The following APPL2 variants were observed in gnomAD, a reference collection of about 807,000 sequenced individuals.
The protein encoded by APPL2 is adaptor protein, phosphotyrosine interacting with PH domain and leucine zipper 2.
In APPL2, 84 loss-of-function variants were observed where a neutral mutation model predicts 92.7. That is an observed-to-expected ratio of 0.91 (90% CI 0.76 to 1.09). The LOEUF (loss-of-function observed/expected upper bound fraction) is 1.09, where lower values mean the gene tolerates loss of function less well. Among genes scored for constraint, APPL2 ranks in the 50% least tolerant of loss-of-function variants. APPL2 has a pLI of 0.00. For missense variants in APPL2, 736 were observed against 824.5 expected (o/e 0.89, Z 1.31); for synonymous variants, 291 against 291.0 (o/e 1.00, Z 0.00).
In APPL2 at chr12:105,197,894, T is replaced by C; in HGVS notation, c.923A>G (p.Asn308Ser). The change falls in exon 11 of 21, where the codon AAT (asparagine) becomes AGT (serine). Residue 308 changes from asparagine (N) to serine (S), a missense_variant. Physicochemically the swap from Asn to Ser is conservative, Grantham distance 46. Transcript: ENST00000258530. ...ERLYFFTQGG[N>S]LMCQPRGAVA... Reference sequence around the variant, plus strand: ...GGCTCCCCTGGGCTGACACATGAGATTCCCGCCTTGGGTGAAGAAATAAAG... The same window carrying C: ...GGCTCCCCTGGGCTGACACATGAGACTCCCGCCTTGGGTGAAGAAATAAAG... The C allele has an allele frequency of 6.2e-7, 1 of 1,614,120 alleles. No homozygotes were observed. The highest frequency in any genetic ancestry group is 1.1e-5 in the South Asian group (1 of 91,080).
chr12:105,207,823 T>C (rs1249017036), intron 7 of APPL2, 148 bp downstream of exon 7: 4 of 673,502 alleles, frequency 5.9e-6, no homozygotes, highest in Non-Finnish European at 1.0e-5. Flanking sequence ...GGTCTACTTA[T>C]GAGATTTGGA....
intron 17 of APPL2, among the ~76,000 whole-genome samples, chr12:105,179,138 A>G (rs186862831): frequency 1.3e-3 from 194 of 152,144 alleles, no homozygotes; most frequent in Non-Finnish European, 2.4e-3. Context: ...CCTCCCCTTG[A>G]CACCCACCCA....
At chr12:105,200,856 GTATGTATGTATCTATC>G (rs1485909335) in intron 9 of APPL2, among the ~76,000 whole-genome samples, 91 of 111,778 alleles carry the variant, frequency 8.1e-4, no homozygotes, top group East Asian at 1.8e-3. Context: ...ATGTATGTAT[GTATGTATGTATCTATC>G]TATCTATCTA....
intron 19 of APPL2, 153 bp from the exon 20 acceptor site, chr12:105,176,235 C>T (rs550761423): frequency 2.2e-5 from 14 of 638,668 alleles, no homozygotes; most frequent in East Asian, 1.9e-4. Context: ...ACATAGGGCC[C>T]GGGGCATTTG....
At position 105,188,336 on chromosome 12, in the gene APPL2, C is replaced by T. The variant is rs762712188; in HGVS notation, c.1571G>A (p.Arg524Gln). 1.1e-5 allele frequency: 18 copies of T among 1,614,024 alleles called. No individual in the cohort carries two copies. Among genetic ancestry groups the T allele is most frequent in the Non-Finnish European group, 1.5e-5 (18 of 1,180,032 alleles). Residue 524 changes from arginine (R) to glutamine (Q), a missense_variant, in exon 17 of 21, where the codon CGG becomes CAG. Physicochemically the swap from Arg to Gln is conservative, Grantham distance 43 (BLOSUM62 1). Transcript: ENST00000258530. ...CATGCGGAAGATGTTATGAATAGCC[C>T]GAGCAGCCAATACTTGTCTCATCGC... The part of the protein sequence containing the change: ...YEAMRQVLAA[R>Q]AIHNIFRMTE...
chr12:105,219,699 C>T (rs979738654), intron 2 of APPL2, among the ~76,000 whole-genome samples: 16 of 152,312 alleles, frequency 1.1e-4, no homozygotes, highest in East Asian at 3.9e-4. Flanking sequence ...AAGCAATTGG[C>T]CAGAGACTAC....
intron 1 of APPL2, 45 bp from the exon 2 acceptor site, chr12:105,229,268 A>C: frequency 6.5e-7 from 1 of 1,540,692 alleles, no homozygotes; most frequent in Middle Eastern, 1.7e-4. Context: ...TCTAAGTGGA[A>C]AAGTTACAGA....
chr12:105,214,537 C>T (rs1299833313), intron 4 of APPL2, among the ~76,000 whole-genome samples: 1 of 152,258 alleles, frequency 6.6e-6, no homozygotes, highest in East Asian at 1.9e-4. Context: ...CCACGCAGTG[C>T]ATGTGATATC....
chr12:105,220,729 C>T (rs1429676283), intron 2 of APPL2, among the ~76,000 whole-genome samples: 1 of 152,190 alleles, frequency 6.6e-6, no homozygotes, highest in South Asian at 2.1e-4. Context: ...GAAAGACCTG[C>T]CAGGGAACTG....
chr12:105,192,401 C>G (rs942844639), intron 14 of APPL2, among the ~76,000 whole-genome samples: 8 of 152,154 alleles, frequency 5.3e-5, no homozygotes, highest in African/African-American at 1.9e-4. Flanking sequence ...CACAAACACG[C>G]ACCTCTCAGA....
At chr12:105,186,674 G>T (rs970364696) in intron 17 of APPL2, among the ~76,000 whole-genome samples, 45 of 47,488 alleles carry the variant, frequency 9.5e-4, no homozygotes, top group East Asian at 4.4e-3. Context: ...TCATATATAT[G>T]ATATATCATA....
Position 105,189,991 on chromosome 12 carries a change from C to G in APPL2, c.1406G>C (p.Arg469Thr). 1 of 1,614,030 alleles carries G rather than the reference C, an allele frequency of 6.2e-7. No homozygotes were observed. Among genetic ancestry groups the G allele is most frequent in the Non-Finnish European group, 8.5e-7 (1 of 1,179,966 alleles). The change falls in exon 15 of 21, where the codon AGG becomes ACG. Residue 469 changes from arginine to threonine, a missense_variant and splice_region_variant. Arg to Thr is a moderately conservative substitution (Grantham distance 71). Coordinates refer to ENST00000258530, the MANE Select transcript of APPL2 (RefSeq NM_018171.5). Reference protein sequence around the residue: ...TEFLDQNRGSRRTNPFGETED... With the variant: ...TEFLDQNRGSTRTNPFGETED... ...AGAGATAACCTCTCTCAGCCCATAC[C>G]TGCTCCCTCTGTTCTGATCAAGGAA...
chr12:105,220,428 T>C (rs1566093202), intron 2 of APPL2, among the ~76,000 whole-genome samples: 1 of 152,226 alleles, frequency 6.6e-6, no homozygotes, highest in Non-Finnish European at 1.5e-5. Context: ...CCAAGAGCCA[T>C]GGATTACTGA....
At chr12:105,218,799 G>A (rs1294997079) in intron 2 of APPL2, among the ~76,000 whole-genome samples, 1 of 152,192 alleles carries the variant, frequency 6.6e-6, no homozygotes, top group Non-Finnish European at 1.5e-5. Context: ...CAGAAGCACA[G>A]CTAAACCCAA....
intron 20 of APPL2, among the ~76,000 whole-genome samples, chr12:105,174,864 GCTT>G (rs1041692501): frequency 2.0e-3 from 171 of 86,364 alleles, no homozygotes; most frequent in African/African-American, 7.4e-3. Context: ...TGCTGCTGCT[GCTT>G]TTTTTTGGTG....
At chr12:105,212,595 T>C (rs1179821949) in intron 4 of APPL2, among the ~76,000 whole-genome samples, 2 of 152,244 alleles carry the variant, frequency 1.3e-5, no homozygotes, top group African/African-American at 2.4e-5. Flanking sequence ...TTTGGGAATC[T>C]AGACGTTGGC....
At chr12:105,233,738 GC>G (rs144766841) in intron 1 of APPL2, among the ~76,000 whole-genome samples, 3,496 of 152,270 alleles carry the variant, frequency 0.023, 108 homozygotes, top group African/African-American at 0.066. Context: ...TCCAGTCCTG[GC>G]TCTGTCACTT....
At chr12:105,186,694 T>TC (rs1566056597) in intron 17 of APPL2, among the ~76,000 whole-genome samples, 4 of 60,854 alleles carry the variant, frequency 6.6e-5, no homozygotes, top group East Asian at 2.4e-3. Flanking sequence ...ATATATATCA[T>TC]ATATCATATC....
chr12:105,193,654 TA>T (rs1158432858), intron 14 of APPL2, among the ~76,000 whole-genome samples: 2 of 152,236 alleles, frequency 1.3e-5, no homozygotes, highest in Non-Finnish European at 2.9e-5. Context: ...ATGCTACTTG[TA>T]TCAACTGTTA....
Sources: gnomAD v4.1 joint callset for allele counts (sites outside exome capture counted in the v4.1 genomes callset) on GRCh38, gnomAD v4.1.1 for gene constraint, MANE v1.5 for transcripts, NCBI Gene and HGNC (gene_info 2026-07-23, HGNC 2026-07-21) for gene names.